The following DPP6 variants were observed in gnomAD, a reference collection of about 807,000 sequenced individuals.
The protein encoded by DPP6 is dipeptidyl peptidase like 6.
A neutral mutation model predicts 122.6 loss-of-function variants in DPP6; 69 were observed. The ratio of observed to expected loss-of-function variants is 0.56; its 90% CI spans 0.46 to 0.69. The LOEUF is 0.69. Among genes scored for constraint, DPP6 ranks in the 30% least tolerant of loss-of-function variants. DPP6 has a pLI of 0.00. For missense variants in DPP6, 928 were observed against 1,116.9 expected (o/e 0.83, Z 2.41); for synonymous variants, 418 against 433.1 (o/e 0.97, Z 0.43).
chr7:154,333,477 G>T (rs1809131777), intron 1 of DPP6, among the ~76,000 whole-genome samples: 1 of 152,130 alleles, frequency 6.6e-6, no homozygotes, highest in African/African-American at 2.4e-5. Context: ...GCTTTATACA[G>T]TTTCAAAGCT....
chr7:154,433,341 G>GT (rs1165481360), intron 1 of DPP6, among the ~76,000 whole-genome samples: 12 of 145,980 alleles, frequency 8.2e-5, no homozygotes, highest in Middle Eastern at 3.2e-3. Context: ...TTTTGTTTTT[G>GT]TTTTTTTAGT....
At chr7:154,366,012 C>A (rs1812157279) in intron 1 of DPP6, among the ~76,000 whole-genome samples, 1 of 150,286 alleles carries the variant, frequency 6.7e-6, no homozygotes, top group South Asian at 2.1e-4. Flanking sequence ...TTGTCTCTAT[C>A]TTCCGGGGTA....
the DPP6 span, among the ~76,000 whole-genome samples, chr7:153,814,254 TA>T: frequency 6.6e-6 from 1 of 151,934 alleles, no homozygotes; most frequent in Non-Finnish European, 1.5e-5. Context: ...ATAGATGCAA[TA>T]AAAAATGATA....
rs10277826 is a variant in DPP6, at chr7:154,365,913, G to A, written c.244-80301G>A. 3.6e-3 allele frequency among the ~76,000 whole-genome samples: 521 copies of A among 144,664 alleles called. 3 individuals carry two copies. Among genetic ancestry groups the A allele is most frequent in the African/African-American group, 0.013 (477 of 38,078 alleles). The allele number at this position is 144,664 out of a possible 152,430, so 94.9% of individuals were successfully genotyped here. ...GCGGAGCTTGCAGTGAGCCGAGATC[G>A]CGCCACTGCGTTCCAGCCTGGGCGA... On this transcript the variant is annotated intron_variant, in intron 1 of 25. Coordinates refer to ENST00000377770, the MANE Select transcript of DPP6 (RefSeq NM_130797.4).
At chr7:153,823,091 T>A in the DPP6 span, among the ~76,000 whole-genome samples, 1 of 151,884 alleles carries the variant, frequency 6.6e-6, no homozygotes, top group East Asian at 1.9e-4. Flanking sequence ...CACACTGAAA[T>A]CCATTCCCTT....
Position 153,920,848 on chromosome 7 carries a change from C to T in DPP6, c.51+33114C>T, listed in dbSNP as rs541370616. Among the ~76,000 whole-genome samples, 46 of 152,124 alleles carry T rather than the reference C, an allele frequency of 3.0e-4. No homozygotes were observed. In the East Asian group the frequency reaches 4.3e-3, roughly 14 times the overall value. On this transcript the variant is annotated intron_variant, in intron 1 of 25. Coordinates refer to the DPP6 transcript ENST00000404039. ...TGCTGGGATTACAGGCGTGAGCCAC[C>T]GCGCCTGGCCCTTTCTTACACGTTA... is the stretch of plus-strand genomic sequence containing the variant.
chr7:154,520,382 G>A (rs879499269), intron 3 of DPP6, among the ~76,000 whole-genome samples: 5 of 152,244 alleles, frequency 3.3e-5, no homozygotes, highest in Non-Finnish European at 7.3e-5. Context: ...TATGAAAGAG[G>A]AGAGGGGACT....
At chr7:154,664,265 G>A (rs527683448) in intron 6 of DPP6, among the ~76,000 whole-genome samples, 6 of 152,166 alleles carry the variant, frequency 3.9e-5, no homozygotes, top group Non-Finnish European at 5.9e-5. Flanking sequence ...TCACCATGGC[G>A]TATTGGCCCT....
intron 2 of DPP6, among the ~76,000 whole-genome samples, chr7:154,456,741 A>ATTTGACACAGACGAAGGAGG (rs1242472032): frequency 2.0e-4 from 4 of 20,014 alleles, no homozygotes; most frequent in East Asian, 0.014. Flanking sequence ...AGGAAATAAG[A>ATTTGACACAGACGAAGGAGG]ATGCTTGTGA....
chr7:154,290,150 T>A (rs866816103), intron 1 of DPP6, among the ~76,000 whole-genome samples: 2 of 152,232 alleles, frequency 1.3e-5, no homozygotes, highest in Middle Eastern at 3.2e-3. Context: ...TGCCAGTACC[T>A]TGTTTTGAGT....
intron 10 of DPP6, chr7:154,793,858 G>A: frequency 1.7e-6 from 1 of 590,626 alleles, no homozygotes; most frequent in Admixed American, 3.5e-5. Context: ...CAGTGTCTTT[G>A]GGTTTATTTA....
chr7:154,162,952 G>A (rs1394332110), intron 1 of DPP6, among the ~76,000 whole-genome samples: 1 of 151,496 alleles, frequency 6.6e-6, no homozygotes, highest in East Asian at 1.9e-4. Flanking sequence ...CTAGCATTGA[G>A]TGGAACTTAA....
At chr7:154,830,140 G>C (rs150605731) in intron 16 of DPP6, among the ~76,000 whole-genome samples, 169 of 152,276 alleles carry the variant, frequency 1.1e-3, no homozygotes, top group Middle Eastern at 0.01. Context: ...GAGTCTTCCA[G>C]CTATGCCTTT....
chr7:154,292,541 G>A (rs1805277544), intron 1 of DPP6, among the ~76,000 whole-genome samples: 1 of 152,166 alleles, frequency 6.6e-6, no homozygotes, highest in African/African-American at 2.4e-5. Flanking sequence ...TGGCAGTTTG[G>A]TATATTATAC....
intron 7 of DPP6, among the ~76,000 whole-genome samples, chr7:154,700,825 T>C (rs993687930): frequency 1.3e-5 from 2 of 151,774 alleles, no homozygotes; most frequent in African/African-American, 4.8e-5. Flanking sequence ...GAAGAAAATG[T>C]GCATCTACTT....
intron 1 of DPP6, among the ~76,000 whole-genome samples, chr7:154,310,824 C>T (rs1023293924): frequency 1.2e-4 from 18 of 152,216 alleles, no homozygotes; most frequent in African/African-American, 2.4e-5. Context: ...GAGGAATGAA[C>T]GGTCACCGTC....
the DPP6 span, among the ~76,000 whole-genome samples, chr7:153,760,485 A>G: frequency 9.2e-5 from 14 of 152,240 alleles, no homozygotes; most frequent in African/African-American, 3.1e-4. Context: ...TATCTTGTAC[A>G]TGCTGGATAT....
At chr7:153,825,778 C>T in the DPP6 span, among the ~76,000 whole-genome samples, 6 of 152,060 alleles carry the variant, frequency 3.9e-5, no homozygotes. Flanking sequence ...CCAGGCTGGT[C>T]TTAAACTCCT....
chr7:154,404,832 T>C (rs1815936187), intron 1 of DPP6, among the ~76,000 whole-genome samples: 1 of 152,208 alleles, frequency 6.6e-6, no homozygotes, highest in African/African-American at 2.4e-5. Flanking sequence ...AAATTCCACG[T>C]CTAGAAATTT....
Sources: allele counts gnomAD v4.1 joint callset (sites outside exome capture counted in the v4.1 genomes callset), GRCh38; gene constraint gnomAD v4.1.1; transcripts MANE v1.5; gene names NCBI Gene and HGNC (gene_info 2026-07-23, HGNC 2026-07-21).